The following AKAP13 variants were observed in gnomAD, a reference collection of about 807,000 sequenced individuals.
AKAP13 encodes A-kinase anchoring protein 13.
Under a neutral mutation model 264.5 loss-of-function variants are expected in AKAP13, and 80 were observed. That is an observed-to-expected ratio of 0.30 (90% confidence interval 0.25 to 0.36). AKAP13 has a LOEUF of 0.36. AKAP13 is among the 10% of genes least tolerant of loss of function. The pLI is 1.00. For synonymous variants in AKAP13, 1,380 were observed against 1,250.2 expected, an observed-to-expected ratio of 1.10 and a Z score of -2.19; for missense variants, 3,712 against 3,435.2, an observed-to-expected ratio of 1.08 and a Z score of -2.01.
chr15:85,641,754 T>C (rs543334359), intron 9 of AKAP13, among the ~76,000 whole-genome samples: 7 of 152,104 alleles, frequency 4.6e-5, no homozygotes, highest in African/African-American at 1.7e-4. Flanking sequence ...CCAAAGTGCT[T>C]ACAAAGGGAT....
chr15:85,454,483 T>C (rs1219116381), intron 1 of AKAP13, among the ~76,000 whole-genome samples: 1 of 152,186 alleles, frequency 6.6e-6, no homozygotes, highest in African/African-American at 2.4e-5. Flanking sequence ...TTCTCTGTTC[T>C]CTGTGGGTCA....
At chr15:85,677,644 TG>T (rs1183146843) in intron 14 of AKAP13, among the ~76,000 whole-genome samples, 7 of 139,434 alleles carry the variant, frequency 5.0e-5, no homozygotes, top group East Asian at 2.7e-4. Context: ...GAGTGTGTGT[TG>T]TGTTTTTTTT....
At position 85,506,126 on chromosome 15, in the gene AKAP13, G is replaced by A. The variant is rs1031284207; in HGVS notation, c.34-15302G>A. On this transcript the variant is annotated intron_variant, in intron 2 of 36. Coordinates refer to ENST00000394518, the MANE Select transcript of AKAP13 (RefSeq NM_007200.5). ...AGTCTGGCCAACATGGTGAAACTCCGTCTCTACTAATACAGAAAAATTAGC... is the reference window on the plus strand; with the variant it reads ...AGTCTGGCCAACATGGTGAAACTCCATCTCTACTAATACAGAAAAATTAGC... 1.5e-4 allele frequency among the ~76,000 whole-genome samples: 23 copies of A among 152,168 alleles called. No individual in the cohort carries two copies. In the East Asian group the frequency reaches 3.5e-3, roughly 23 times the overall value.
At chr15:85,400,233 G>C (rs2071356849) in intron 1 of AKAP13, among the ~76,000 whole-genome samples, 3 of 152,076 alleles carry the variant, frequency 2.0e-5, no homozygotes, top group Non-Finnish European at 4.4e-5. Context: ...CATAGTGAGA[G>C]CCTGTCTCTA....
At chr15:85,566,626 CTTTTT>C (rs35129066) in intron 5 of AKAP13, among the ~76,000 whole-genome samples, 2 of 135,290 alleles carry the variant, frequency 1.5e-5, no homozygotes, top group African/African-American at 5.5e-5. Flanking sequence ...AAATAACTTA[CTTTTT>C]TTTTTTTTTT....
At chr15:85,410,868 T>G (rs183445287) in intron 1 of AKAP13, among the ~76,000 whole-genome samples, 5 of 151,880 alleles carry the variant, frequency 3.3e-5, no homozygotes, top group African/African-American at 1.2e-4. Flanking sequence ...TAAATGGCTC[T>G]GTATTGTGTT....
chr15:85,666,095 C>T (rs1163047696), intron 13 of AKAP13, among the ~76,000 whole-genome samples: 5 of 152,180 alleles, frequency 3.3e-5, no homozygotes, highest in Non-Finnish European at 5.9e-5. Flanking sequence ...CTTGAGGAAT[C>T]GCCACACTGT....
chr15:85,483,851 T>G (rs919942914), intron 1 of AKAP13, among the ~76,000 whole-genome samples: 1 of 152,180 alleles, frequency 6.6e-6, no homozygotes, highest in African/African-American at 2.4e-5. Context: ...TTTCTTTTTT[T>G]GCAATTTTTT....
chr15:85,400,228 T>C (rs2071356536), intron 1 of AKAP13, among the ~76,000 whole-genome samples: 1 of 152,122 alleles, frequency 6.6e-6, no homozygotes, highest in Non-Finnish European at 1.5e-5. Context: ...GGCAACATAG[T>C]GAGAGCCTGT....
rs1290354879 is a variant in AKAP13 at position 85,580,235 on chromosome 15, A to G, written c.2167A>G (p.Arg723Gly). The G allele has an allele frequency of 6.2e-7, 1 of 1,614,218 alleles. No individual in the cohort carries two copies. The highest frequency in any genetic ancestry group is 8.5e-7 in the Non-Finnish European group (1 of 1,180,036). ...TCATACAGTCACCTCTGACCCTGTA[A>G]GGGATACCCAGGAACGTGCGGATTT... is the stretch of plus-strand genomic sequence containing the variant. ...QAHTVTSDPV[R>G]DTQERADFCP... Residue 723 changes from arginine to glycine, a missense_variant, in exon 7 of 37, where the codon AGG becomes GGG. Arg to Gly is a moderately radical substitution (Grantham distance 125, BLOSUM62 -2). Coordinates refer to ENST00000394518, the MANE Select transcript of AKAP13 (RefSeq NM_007200.5).
In AKAP13 at chr15:85,730,695, G is replaced by T; in HGVS notation, c.7270G>T (p.Ala2424Ser). The change falls in exon 30 of 37, where the codon GCA (alanine) becomes TCA (serine). Residue 2424 changes from alanine (A) to serine (S), a missense_variant. This residue lies in a region of AKAP13 where 611 missense variants were observed against 539.3 expected (regional missense o/e 1.13). Transcript: ENST00000394518. ...CAAAGGAGGACCTTTAATGAAAAGTGCAATAAATGAGGGTAATTAACATTC... is the reference window on the plus strand; with the variant it reads ...CAAAGGAGGACCTTTAATGAAAAGTTCAATAAATGAGGGTAATTAACATTC... The part of the protein sequence containing the change: ...ALKGGPLMKS[A>S]INEVEILQGL... 6.2e-7 allele frequency: 1 copy of T among 1,613,244 alleles called. No homozygotes were observed. The highest frequency in any genetic ancestry group is 8.5e-7 in the Non-Finnish European group (1 of 1,179,416).
chr15:85,583,141 A>G (rs1290202936), intron 7 of AKAP13: 1 of 985,282 alleles, frequency 1.0e-6, no homozygotes. Flanking sequence ...ACCTATCTCC[A>G]TGCTTGCCCC....
chr15:85,405,107 A>G (rs1411927006), intron 1 of AKAP13, among the ~76,000 whole-genome samples: 2 of 152,134 alleles, frequency 1.3e-5, no homozygotes, highest in African/African-American at 4.8e-5. Context: ...TTCTAAGTCT[A>G]GAGCTTATGA....
intron 7 of AKAP13, among the ~76,000 whole-genome samples, 175 bp from the exon 8 acceptor site, chr15:85,585,527 G>A (rs2079302848): frequency 6.6e-6 from 1 of 152,158 alleles, no homozygotes; most frequent in Admixed American, 6.5e-5. Flanking sequence ...ATGCGATAAA[G>A]GAATAGCTCA....
At chr15:85,527,117 C>T (rs1596441199) in intron 3 of AKAP13, among the ~76,000 whole-genome samples, 1 of 152,190 alleles carries the variant, frequency 6.6e-6, no homozygotes, top group Admixed American at 6.5e-5. Context: ...CGCCCGCCAC[C>T]ACGCCCGGCT....
chr15:85,689,020 GTTTTC>G (rs2085107651), intron 16 of AKAP13, among the ~76,000 whole-genome samples: 1 of 152,172 alleles, frequency 6.6e-6, no homozygotes, highest in Non-Finnish European at 1.5e-5. Flanking sequence ...TATCACACTG[GTTTTC>G]TTTTTTCTAA....
intron 1 of AKAP13, among the ~76,000 whole-genome samples, chr15:85,442,801 A>C (rs923922725): frequency 2.0e-5 from 3 of 151,858 alleles, no homozygotes; most frequent in Non-Finnish European, 4.4e-5. Context: ...TTTTGGATCT[A>C]CTGAAGGATT....
At chr15:85,386,658 A>G (rs2070578495) in intron 1 of AKAP13, among the ~76,000 whole-genome samples, 1 of 152,110 alleles carries the variant, frequency 6.6e-6, no homozygotes, top group South Asian at 2.1e-4. Context: ...ATTTTCCTAA[A>G]TGGTGCAAGG....
rs1258881107 is a variant in AKAP13 at position 85,724,970 on chromosome 15, C to T, written c.6746-1440C>T. On this transcript the variant is annotated intron_variant, in intron 26 of 36. Transcript: ENST00000394518. The surrounding 1 kb of genome is among the most constrained non-coding windows in gnomAD (Gnocchi z 4.2). ...TTAATATTCCATGATGTTCTGAGAGCCCTAGCTCTCTTTGAGACTTTTACG... is the reference window on the plus strand; with the variant it reads ...TTAATATTCCATGATGTTCTGAGAGTCCTAGCTCTCTTTGAGACTTTTACG... Among the ~76,000 whole-genome samples the T allele has an allele frequency of 6.6e-6, 1 of 152,160 alleles. No homozygotes were observed.
Sources: gnomAD v4.1 joint callset for allele counts (sites outside exome capture counted in the v4.1 genomes callset) on GRCh38, gnomAD v4.1.1 for gene constraint, gnomAD v4.1.1 regional missense constraint, Gnocchi (gnomAD v3.1) non-coding constraint, MANE v1.5 for transcripts, NCBI Gene and HGNC (gene_info 2026-07-23, HGNC 2026-07-21) for gene names.